FAM151B: variants seen among roughly 807,000 people sequenced by gnomAD.
The protein encoded by FAM151B is protein FAM151B.
A neutral mutation model predicts 31.2 loss-of-function variants in FAM151B; 24 were observed. That is an observed-to-expected ratio of 0.77 (90% confidence interval 0.56 to 1.08). The LOEUF (loss-of-function observed/expected upper bound fraction) is 1.08, where lower values mean the gene tolerates loss of function less well. Among genes scored for constraint, FAM151B ranks in the 50% least tolerant of loss-of-function variants. FAM151B has a pLI of 0.00. For synonymous variants in FAM151B, 105 were observed against 111.4 expected (o/e 0.94, Z 0.36); for missense variants, 293 against 328.6 (o/e 0.89, Z 0.84).
intron 2 of FAM151B, 112 bp from the exon 3 acceptor site, chr5:80,513,492 T>TA (rs1372589144): frequency 9.6e-7 from 1 of 1,040,050 alleles, no homozygotes; most frequent in African/African-American, 1.6e-5. Context: ...CACTGAGTGT[T>TA]ACTTTTCTTT....
intron 5 of FAM151B, among the ~76,000 whole-genome samples, chr5:80,526,006 A>T (rs145405227): frequency 1.6e-4 from 25 of 152,204 alleles, no homozygotes; most frequent in African/African-American, 6.0e-4. Context: ...TATGAAGGCT[A>T]TAGATTTCTG....
intron 2 of FAM151B, 50 bp from the exon 3 acceptor site, chr5:80,513,554 T>C (rs1744281782): frequency 6.4e-7 from 1 of 1,556,008 alleles, no homozygotes; most frequent in East Asian, 2.3e-5. Context: ...CCTCCTGTAG[T>C]TCTGTGCCCT....
chr5:80,526,649 T>C (rs1051692884), intron 5 of FAM151B, among the ~76,000 whole-genome samples: 2 of 152,146 alleles, frequency 1.3e-5, no homozygotes, highest in Non-Finnish European at 2.9e-5. Context: ...TTGATTTTCT[T>C]GAGTTTTCTA....
In FAM151B at chr5:80,499,671, G is replaced by A. The variant is rs191407955; in HGVS notation, c.26-2121G>A. Among the ~76,000 whole-genome samples, 1,033 of 151,632 alleles carry A rather than the reference G, an allele frequency of 6.8e-3. 10 individuals are homozygous for A. The highest frequency in any genetic ancestry group is 0.024 in the African/African-American group (996 of 41,388). On this transcript the variant is annotated intron_variant, in intron 1 of 5. Coordinates refer to ENST00000282226, the MANE Select transcript of FAM151B (RefSeq NM_205548.3). ...TTTTGTTTTCTTCCTGCATTCTTAT[G>A]CTTCTGATGTTCAGACTATCCTATA...
intron 4 of FAM151B, among the ~76,000 whole-genome samples, chr5:80,520,264 C>T (rs745566178): frequency 6.6e-6 from 1 of 152,154 alleles, no homozygotes; most frequent in Non-Finnish European, 1.5e-5. Context: ...CTAACATATT[C>T]ACTTAAGATT....
intron 4 of FAM151B, 71 bp downstream of exon 4, chr5:80,519,981 T>C (rs929545036): frequency 5.7e-6 from 8 of 1,411,976 alleles, no homozygotes; most frequent in Non-Finnish European, 7.8e-6. Flanking sequence ...ACATCTTTAA[T>C]ACAAAGACCA....
rs1399229721 is a variant in FAM151B, at chr5:80,498,650, T to A, written c.26-3142T>A. The stretch of plus-strand genomic sequence containing the variant: ...CTGAATGGCACTCTCGACAAAGGTG[T>A]CTAATTTTGCCATTCTCTTCCACCT... On this transcript the variant is annotated intron_variant, in intron 1 of 5. Transcript: ENST00000282226. 5.7e-6 allele frequency: 4 copies of A among 705,778 alleles called. No individual in the cohort carries two copies. In the African/African-American group the frequency reaches 7.0e-5, roughly 12 times the overall value. 43.7% of individuals were successfully genotyped at this position (705,778 alleles called of 1,614,324 possible).
intron 3 of FAM151B, 118 bp downstream of exon 3, chr5:80,513,887 G>A (rs1459223003): frequency 9.6e-7 from 1 of 1,044,598 alleles, no homozygotes. Flanking sequence ...TATATTTCAG[G>A]ACTGAACCTA....
At chr5:80,509,159 A>T (rs1315481135) in intron 2 of FAM151B, among the ~76,000 whole-genome samples, 4 of 150,284 alleles carry the variant, frequency 2.7e-5, no homozygotes, top group African/African-American at 4.9e-5. Context: ...TTTTTTTTCC[A>T]GTAGAGATGA....
intron 1 of FAM151B, among the ~76,000 whole-genome samples, chr5:80,489,514 A>T (rs1481071586): frequency 2.0e-5 from 3 of 152,294 alleles, no homozygotes; most frequent in Non-Finnish European, 4.4e-5. Flanking sequence ...ATTCTCACTC[A>T]CAGGCTGTAT....
intron 2 of FAM151B, among the ~76,000 whole-genome samples, chr5:80,509,492 C>G (rs79927372): frequency 0.012 from 1,807 of 152,202 alleles, 31 homozygotes; most frequent in African/African-American, 0.04. Context: ...GAATGGTGAG[C>G]CAATAAATGT....
intron 2 of FAM151B, among the ~76,000 whole-genome samples, chr5:80,511,526 G>A (rs574937750): frequency 8.6e-5 from 13 of 150,800 alleles, no homozygotes; most frequent in Non-Finnish European, 1.6e-4. Context: ...ACACTTGTGC[G>A]ATTACCTGTC....
intron 5 of FAM151B, among the ~76,000 whole-genome samples, chr5:80,538,636 G>C (rs1745715589): frequency 7.1e-6 from 1 of 141,414 alleles, no homozygotes; most frequent in African/African-American, 2.6e-5. Flanking sequence ...TTGCTCTGTT[G>C]CCCAGACTGG....
At chr5:80,505,144 G>A (rs1170916726) in intron 2 of FAM151B, among the ~76,000 whole-genome samples, 1 of 152,150 alleles carries the variant, frequency 6.6e-6, no homozygotes, top group African/African-American at 2.4e-5. Flanking sequence ...AATAAAAGGA[G>A]TATAAAACTC....
chr5:80,526,595 G>T (rs575148057), intron 5 of FAM151B, among the ~76,000 whole-genome samples: 16 of 152,192 alleles, frequency 1.1e-4, no homozygotes, highest in Non-Finnish European at 1.6e-4. Context: ...ACTCCAGCCT[G>T]TGCGGCTGAA....
At chr5:80,494,473 TTTCTTTC>T (rs1561359241) in intron 1 of FAM151B, among the ~76,000 whole-genome samples, 16 of 89,630 alleles carry the variant, frequency 1.8e-4, no homozygotes, top group African/African-American at 6.0e-4. Context: ...TCTTTCTTTC[TTTCTTTC>T]TTTCTTTCTT....
intron 2 of FAM151B, among the ~76,000 whole-genome samples, chr5:80,504,724 T>C (rs555789231): frequency 4.3e-4 from 65 of 152,174 alleles, no homozygotes; most frequent in Admixed American, 9.8e-4. Flanking sequence ...TTCACCATGT[T>C]GGCTAGGATG....
At chr5:80,525,665 A>G (rs140344427) in intron 5 of FAM151B, among the ~76,000 whole-genome samples, 5 of 152,260 alleles carry the variant, frequency 3.3e-5, no homozygotes, top group African/African-American at 9.6e-5. Context: ...CAGCATGCAC[A>G]TAAGTAGAAG....
intron 1 of FAM151B, among the ~76,000 whole-genome samples, chr5:80,494,032 T>C (rs2112595492): frequency 1.3e-5 from 2 of 152,264 alleles, no homozygotes; most frequent in Middle Eastern, 3.4e-3. Flanking sequence ...TTGTACTCTT[T>C]CTCTTTATTT....
Sources: gnomAD v4.1 joint callset for allele counts (sites outside exome capture counted in the v4.1 genomes callset) on GRCh38, gnomAD v4.1.1 for gene constraint, MANE v1.5 for transcripts, NCBI Gene and HGNC (gene_info 2026-07-23, HGNC 2026-07-21) for gene names.